Variants in ZNF862 observed in about 807,000 individuals in gnomAD.
ZNF862 encodes zinc finger protein 862.
Under a neutral mutation model 91.1 loss-of-function variants are expected in ZNF862, and 64 were observed. That is an observed-to-expected ratio of 0.70 (90% confidence interval 0.57 to 0.87). The LOEUF is 0.87. Ranked by LOEUF, ZNF862 falls within the 40% of genes least tolerant of loss-of-function variation. The pLI is 0.00. For missense variants in ZNF862, 1,459 were observed against 1,528.0 expected (o/e 0.95, Z 0.75); for synonymous variants, 631 against 618.1 (o/e 1.02, Z -0.31).
Position 149,861,267 on chromosome 7 carries a change from A to G in ZNF862, c.2107A>G (p.Ser703Gly), listed in dbSNP as rs1250673599. 1.9e-6 allele frequency: 3 copies of G among 1,612,236 alleles called. No individual in the cohort carries two copies. The highest frequency in any genetic ancestry group is 1.7e-4 in the Middle Eastern group (1 of 6,060). Reference sequence around the variant, plus strand: ...GGGGACGGATGGCTCAGCCATGTTGAGCTGCAGAGGAGGCCTTGTGGAAAA... The same window carrying G: ...GGGGACGGATGGCTCAGCCATGTTGGGCTGCAGAGGAGGCCTTGTGGAAAA... The part of the protein sequence containing the change: ...GLGTDGSAML[S>G]CRGGLVEKFQ... The change falls in exon 7 of 8, where the codon AGC becomes GGC. Residue 703 changes from serine to glycine, a missense_variant. By Grantham distance (56) the Ser-to-Gly change is moderately conservative. Transcript: ENST00000223210. The surrounding 1 kb of genome is among the most constrained non-coding windows in gnomAD (Gnocchi z 6.7).
At position 149,847,992 on chromosome 7, in the gene ZNF862, T is replaced by C. The variant is rs760656042; in HGVS notation, c.499T>C (p.Tyr167His). The C allele has an allele frequency of 1.2e-6, 2 of 1,612,922 alleles. No homozygotes were observed. The highest frequency in any genetic ancestry group is 1.1e-5 in the South Asian group (1 of 90,878). ...TALFCSACRE[Y>H]PSIRDKRSRL... ...TCTGTTCTGCTCTGCTTGCCGAGAA[T>C]ACCCCTCCATCAGGGACAAACGGTC... is the stretch of plus-strand genomic sequence containing the variant. The change falls in exon 4 of 8, where the codon TAC becomes CAC. Residue 167 changes from tyrosine to histidine, a missense_variant. Tyr to His is a moderately conservative substitution (Grantham distance 83). Transcript: ENST00000223210.
At chr7:149,853,661 G>T (rs940079109) in intron 5 of ZNF862, among the ~76,000 whole-genome samples, 2 of 152,118 alleles carry the variant, frequency 1.3e-5, no homozygotes, top group African/African-American at 4.8e-5. Flanking sequence ...ATTTCTGCCG[G>T]GTGCGGTGGC....
At position 149,861,710 on chromosome 7, in the gene ZNF862, C is replaced by T. The variant is rs746375377; in HGVS notation, c.2550C>T (p.Ile850=). 1 of 1,613,370 alleles carries T rather than the reference C, an allele frequency of 6.2e-7. No individual in the cohort carries two copies. Among genetic ancestry groups the T allele is most frequent in the South Asian group, 1.1e-5 (1 of 90,996 alleles). Reference sequence around the variant, plus strand: ...ACTTCCTGTTGGACTTCCTGAGCATCTACAGGCCTCTGTCCGAGGTGTGCC... The same window carrying T: ...ACTTCCTGTTGGACTTCCTGAGCATTTACAGGCCTCTGTCCGAGGTGTGCC... ...FCHFLLDFLS[I]YRPLSEVCQK... Residue 850 remains isoleucine, a synonymous_variant, in exon 7 of 8, where the codon ATC becomes ATT. Transcript: ENST00000223210. This position sits in a 1 kb window ranked among gnomAD's most constrained non-coding sequence, Gnocchi z 6.7.
rs767580122 is a variant in ZNF862 at position 149,861,066 on chromosome 7, G to A, written c.1906G>A (p.Glu636Lys). ...VLLDSSTDAS[E>K]QACVGIYIRY... ...GCTGGACAGCTCCACCGACGCCTCC[G>A]AGCAGGCCTGCGTGGGGATTTACAT... Residue 636 changes from glutamate to lysine, a missense_variant, in exon 7 of 8, where the codon GAG becomes AAG. Coordinates refer to ENST00000223210, the MANE Select transcript of ZNF862 (RefSeq NM_001099220.3). The surrounding 1 kb of genome is among the most constrained non-coding windows in gnomAD (Gnocchi z 6.7). 14 of 1,612,494 alleles carry A rather than the reference G, an allele frequency of 8.7e-6. No homozygotes were observed. The highest frequency in any genetic ancestry group is 3.3e-5 in the South Asian group (3 of 90,952).
rs908423426 is a variant in ZNF862, at chr7:149,862,641, C to T, written c.3334+147C>T. 9.4e-5 allele frequency: 86 copies of T among 910,532 alleles called. No individual in the cohort carries two copies. In the African/African-American group the frequency reaches 1.3e-3, roughly 14 times the overall value. The allele number at this position is 910,532 out of a possible 1,614,324, so 56.4% of individuals were successfully genotyped here. A position where few individuals can be genotyped will look rare whatever the true frequency, so the allele number is the denominator to read the frequency against. ...GTACTCGATGCGTGACATCCACCCT[C>T]CAGGAGCTTGCACCCCTGCCAGGGA... On this transcript the variant is annotated intron_variant, in intron 7 of 7. Transcript: ENST00000223210.
At chr7:149,852,008 G>C (rs1265939910) in intron 5 of ZNF862, 2 of 152,050 alleles carry the variant, frequency 1.3e-5, no homozygotes, top group Non-Finnish European at 2.9e-5. Flanking sequence ...TTGGATCTCT[G>C]GTTATCCTTG....
At chr7:149,863,983 C>A in intron 7 of ZNF862, 126 bp from the exon 8 acceptor site, 1 of 888,922 alleles carries the variant, frequency 1.1e-6, no homozygotes, top group Non-Finnish European at 1.7e-6. Context: ...CTGCAAAGAG[C>A]AGTCGTGGTC....
intron 5 of ZNF862, chr7:149,858,408 TTTATA>T (rs1199331854): frequency 1.3e-5 from 2 of 152,358 alleles, no homozygotes; most frequent in Non-Finnish European, 2.9e-5. Flanking sequence ...AATTTACTTA[TTTATA>T]TTTTTATTAG....
intron 3 of ZNF862, among the ~76,000 whole-genome samples, chr7:149,847,152 A>C (rs1246211972): frequency 6.6e-6 from 1 of 152,246 alleles, no homozygotes; most frequent in African/African-American, 2.4e-5. Context: ...GAGAGTCCTC[A>C]TCTGTTCGAA....
chr7:149,848,252 C>G lies in ZNF862; in HGVS notation c.759C>G (p.Ser253Arg), dbSNP rs1273329530. The stretch of plus-strand genomic sequence containing the variant: ...CAGGGCCTCTGGGAGGATTTGATAG[C>G]ATGGCTGAGCTCCTGCCAAGTTCAA... ...YPPGPLGGFDSMAELLPSSRA... is the reference protein window; with the variant it reads ...YPPGPLGGFDRMAELLPSSRA... Residue 253 changes from serine (S) to arginine (R), a missense_variant, in exon 4 of 8, where the codon AGC (serine) becomes AGG (arginine). Ser to Arg is a moderately radical substitution (Grantham distance 110). Coordinates refer to ENST00000223210, the MANE Select transcript of ZNF862 (RefSeq NM_001099220.3). 1 of 1,613,016 alleles carries G rather than the reference C, an allele frequency of 6.2e-7. No individual in the cohort carries two copies. Among genetic ancestry groups the G allele is most frequent in the Non-Finnish European group, 8.5e-7 (1 of 1,179,432 alleles).
chr7:149,859,495 T>C lies in ZNF862; in HGVS notation c.1191T>C (p.Asn397=). 3 of 1,582,888 alleles carry C rather than the reference T, an allele frequency of 1.9e-6. No homozygotes were observed. Among genetic ancestry groups the C allele is most frequent in the South Asian group, 2.3e-5 (2 of 86,214 alleles). ...RRAAPWIKDP[N]GPKWGKGRPP... ...CTGCACCCTGGATCAAGGACCCAAA[T>C]GGGCCAAAGTGGGGGAAAGGTCGTC... The change falls in exon 6 of 8, where the codon AAT becomes AAC. Residue 397 remains asparagine (N), a synonymous_variant. Coordinates refer to ENST00000223210, the MANE Select transcript of ZNF862 (RefSeq NM_001099220.3).
In ZNF862 at chr7:149,862,144, G is replaced by T; in HGVS notation, c.2984G>T (p.Gly995Val). The T allele has an allele frequency of 6.2e-7, 1 of 1,613,392 alleles. No homozygotes were observed. Among genetic ancestry groups the T allele is most frequent in the Non-Finnish European group, 8.5e-7 (1 of 1,179,858 alleles). ...SEEALLEEWL[G>V]LKTIAQHLPF... ...GAAGCTCTGCTGGAGGAGTGGCTGG[G>T]CCTGAAAACCATTGCCCAGCACCTC... Residue 995 changes from glycine (G) to valine (V), a missense_variant, in exon 7 of 8, where the codon GGC becomes GTC. Coordinates refer to ENST00000223210, the MANE Select transcript of ZNF862 (RefSeq NM_001099220.3).
At chr7:149,854,652 C>T (rs543924278) in intron 5 of ZNF862, among the ~76,000 whole-genome samples, 22 of 152,326 alleles carry the variant, frequency 1.4e-4, no homozygotes, top group Admixed American at 1.2e-3. Flanking sequence ...GCCAGGCAGG[C>T]TCCTGTCTGG....
At position 149,848,036 on chromosome 7, in the gene ZNF862, T is replaced by C. The variant is rs1298489047; in HGVS notation, c.543T>C (p.Tyr181=). 6.2e-7 allele frequency: 1 copy of C among 1,613,840 alleles called. No homozygotes were observed. The highest frequency in any genetic ancestry group is 1.7e-5 in the Admixed American group (1 of 59,984). The change falls in exon 4 of 8, where the codon TAT becomes TAC. Residue 181 remains tyrosine (Y), a synonymous_variant. Transcript: ENST00000223210. The part of the protein sequence containing the change: ...RDKRSRLIEG[Y]TGPFKVETLK... ...AACGGTCAAGACTAATAGAAGGTTA[T>C]ACAGGACCATTCAAGGTGGAGACTC...
intron 5 of ZNF862, among the ~76,000 whole-genome samples, chr7:149,852,337 TTG>T (rs10674865): frequency 0.021 from 2,880 of 140,480 alleles, 61 homozygotes; most frequent in African/African-American, 0.056. Context: ...GAACTCAGTT[TTG>T]TGTGTGTGTG....
Position 149,861,776 on chromosome 7 carries a change from G to C in ZNF862, c.2616G>C (p.Leu872=). 1.2e-6 allele frequency: 2 copies of C among 1,613,628 alleles called. No individual in the cohort carries two copies. The highest frequency in any genetic ancestry group is 1.7e-6 in the Non-Finnish European group (2 of 1,179,848). ...TGATTACAGAGGTGAACGCCACGCT[G>C]GGCCGCGCCTACGTGGCACTGGAGA... is the stretch of plus-strand genomic sequence containing the variant. ...IVLITEVNAT[L]GRAYVALESL... Residue 872 remains leucine, a synonymous_variant, in exon 7 of 8, where the codon CTG becomes CTC. Coordinates refer to ENST00000223210, the MANE Select transcript of ZNF862 (RefSeq NM_001099220.3). This position sits in a 1 kb window ranked among gnomAD's most constrained non-coding sequence, Gnocchi z 6.7.
intron 4 of ZNF862, 46 bp downstream of exon 4, chr7:149,848,478 A>G (rs937489277): frequency 6.5e-6 from 9 of 1,392,016 alleles, no homozygotes; most frequent in African/African-American, 5.8e-5. Flanking sequence ...GAAGGATTCT[A>G]TACTGAGAAC....
chr7:149,863,998 C>A, intron 7 of ZNF862, 111 bp from the exon 8 acceptor site: 1 of 1,140,128 alleles, frequency 8.8e-7, no homozygotes, highest in Non-Finnish European at 1.2e-6. Flanking sequence ...GTGGTCCTGA[C>A]TTCAGTCTGT....
chr7:149,866,096 T>C lies in ZNF862; in HGVS notation c.*1812T>C, dbSNP rs1361680508. 2 of 152,224 alleles carry C rather than the reference T, an allele frequency of 1.3e-5. No homozygotes were observed. Among genetic ancestry groups the C allele is most frequent in the African/African-American group, 4.8e-5 (2 of 41,450 alleles). 9.4% of individuals were successfully genotyped at this position (152,224 alleles called of 1,614,324 possible). On this transcript the variant is annotated 3_prime_UTR_variant, in exon 8 of 8. Transcript: ENST00000223210. The stretch of plus-strand genomic sequence containing the variant: ...ACCTGCCCTTTCATCCCCACCCCAG[T>C]ACTTAGCCTTAGCACTGTTGCTTTC...
Sources: gnomAD v4.1 joint callset for allele counts (sites outside exome capture counted in the v4.1 genomes callset) on GRCh38, gnomAD v4.1.1 for gene constraint, Gnocchi (gnomAD v3.1) non-coding constraint, MANE v1.5 for transcripts, NCBI Gene and HGNC (gene_info 2026-07-23, HGNC 2026-07-21) for gene names.